Variants in VCP observed in about 807,000 individuals in gnomAD.
VCP encodes the protein valosin containing protein.
Under a neutral mutation model 85.7 loss-of-function variants are expected in VCP, and 6 were observed. That is an observed-to-expected ratio of 0.07 (90% CI 0.04 to 0.14). The LOEUF (loss-of-function observed/expected upper bound fraction) is 0.14. VCP is among the 10% of genes least tolerant of loss of function. VCP has a pLI of 1.00. For missense variants in VCP, 353 were observed against 1,043.4 expected (o/e 0.34, Z 9.12); for synonymous variants, 384 against 367.1 (o/e 1.05, Z -0.53).
rs1368663145 is a variant in VCP, at chr9:35,057,063, C to T, written c.*54G>A. ...CCCTCTCCTGGGCAAGCGCCCCCAC[C>T]CCCAGGGAACAAGGTCCAGGCAGGC... On this transcript the variant is annotated 3_prime_UTR_variant, in exon 17 of 17. Coordinates refer to ENST00000358901, the MANE Select transcript of VCP (RefSeq NM_007126.5). The T allele has an allele frequency of 3.8e-6, 6 of 1,592,748 alleles. No homozygotes were observed. In the South Asian group the frequency reaches 4.4e-5, roughly 12 times the overall value.
chr9:35,057,355 T>G, intron 16 of VCP, 21 bp downstream of exon 16: 1 of 1,614,074 alleles, frequency 6.2e-7, no homozygotes, highest in Non-Finnish European at 8.5e-7. Context: ...AAGCACTGTC[T>G]AATGCTCCCA....
chr9:35,067,788 C>A (rs1446422330), intron 3 of VCP, 103 bp downstream of exon 3: 3 of 1,477,722 alleles, frequency 2.0e-6, no homozygotes, highest in Non-Finnish European at 2.8e-6. Flanking sequence ...CCTGCATCGA[C>A]AGGTGCCAAG....
intron 15 of VCP, among the ~76,000 whole-genome samples, chr9:35,058,559 G>A (rs943639925): frequency 2.6e-5 from 4 of 152,050 alleles, no homozygotes; most frequent in Non-Finnish European, 5.9e-5. Context: ...TCAGGAGATC[G>A]AGACCATCCT....
chr9:35,066,585 A>AG, intron 4 of VCP, 90 bp downstream of exon 4: 2 of 1,503,562 alleles, frequency 1.3e-6, no homozygotes, highest in Non-Finnish European at 1.8e-6. Context: ...AAAGATTTAA[A>AG]AAAAAAAAAA....
chr9:35,066,966 G>C, intron 3 of VCP, 149 bp from the exon 4 acceptor site: 2 of 1,295,742 alleles, frequency 1.5e-6, no homozygotes, highest in South Asian at 2.4e-5. Context: ...GAACAGGGTG[G>C]AAGTGAGGGC....
chr9:35,064,345 G>A (rs1828786306), intron 5 of VCP, 60 bp from the exon 6 acceptor site: 3 of 1,602,952 alleles, frequency 1.9e-6, no homozygotes, highest in Non-Finnish European at 2.6e-6. Context: ...CAAAAGCTGA[G>A]TTTCTCTAAA....
chr9:35,058,784 C>CA (rs1828663129), intron 15 of VCP, among the ~76,000 whole-genome samples: 1 of 145,252 alleles, frequency 6.9e-6, no homozygotes, highest in Admixed American at 6.9e-5. Flanking sequence ...AAACAAAAAA[C>CA]AAAAAACAAA....
At chr9:35,066,610 G>A (rs989169430) in intron 4 of VCP, 65 bp downstream of exon 4, 6 of 1,549,130 alleles carry the variant, frequency 3.9e-6, no homozygotes, top group Admixed American at 1.8e-5. Flanking sequence ...AAGAAAATGA[G>A]ATAAAGATGT....
chr9:35,062,177 G>A, intron 8 of VCP, 39 bp from the exon 9 acceptor site: 1 of 1,614,120 alleles, frequency 6.2e-7, no homozygotes. Flanking sequence ...TGAAGTCAGG[G>A]CCTTTCAACC....
rs535114710 is a variant in VCP, at chr9:35,058,000, G to A, written c.2161-470C>T. On this transcript the variant is annotated intron_variant, in intron 15 of 16. Transcript: ENST00000358901. ...ACATTTGGATTACATCCTACCTAGC[G>A]GTCTCACTTCCAGTGACATATATAC... Among the ~76,000 whole-genome samples, 55 of 152,270 alleles carry A rather than the reference G, an allele frequency of 3.6e-4. 1 individual carries two copies. In the South Asian group the frequency reaches 6.2e-3, roughly 17 times the overall value.
At position 35,058,582 on chromosome 9, in the gene VCP, G is replaced by A. The variant is rs1011846444; in HGVS notation, c.2160+482C>T. ...TCGAGACCATCCTGGCTAACGTGGT[G>A]AAACCACGTTTCTACTAAAAAAAAA... is the stretch of plus-strand genomic sequence containing the variant. On this transcript the variant is annotated intron_variant, in intron 15 of 16. Transcript: ENST00000358901. Among the ~76,000 whole-genome samples, 11 of 152,018 alleles carry A rather than the reference G, an allele frequency of 7.2e-5. 1 individual carries two copies. Among genetic ancestry groups the A allele is most frequent in the Non-Finnish European group, 1.5e-5 (1 of 67,988 alleles).
chr9:35,066,784 T>C lies in VCP; in HGVS notation c.336A>G (p.Lys112=), dbSNP rs763298031. The change falls in exon 4 of 17, where the codon AAA becomes AAG. Residue 112 remains lysine, a synonymous_variant. Transcript: ENST00000358901. Reference sequence around the variant, plus strand: ...CATCAATGGGCAGCACATGGATACGTTTGCCGTACTTCACATCAGGGCATG... The same window carrying C: ...CATCAATGGGCAGCACATGGATACGCTTGCCGTACTTCACATCAGGGCATG... ...IQPCPDVKYG[K]RIHVLPIDDT... 6.2e-7 allele frequency: 1 copy of C among 1,614,112 alleles called. No homozygotes were observed. The highest frequency in any genetic ancestry group is 1.7e-5 in the Admixed American group (1 of 60,010).
In VCP at chr9:35,060,916, A is replaced by G; in HGVS notation, c.1367T>C (p.Leu456Ser). The change falls in exon 12 of 17, where the codon TTG (leucine) becomes TCG (serine). Residue 456 changes from leucine to serine, a missense_variant. Leu to Ser is a moderately radical substitution (Grantham distance 145, BLOSUM62 -2). Around this residue, in one of 8 missense-constraint regions of VCP, gnomAD observed 18 missense variants for 71.2 expected, o/e 0.25. Transcript: ENST00000358901. The stretch of plus-strand genomic sequence containing the variant: ...CAGTGCTGATGGGTTACTCTGGCTC[A>G]AGGCCCACTAGAAAAGGAGGGAAAA... ...AVTMDDFRWALSQSNPSALRE... is the reference protein window; with the variant it reads ...AVTMDDFRWASSQSNPSALRE... The G allele has an allele frequency of 1.2e-6, 2 of 1,614,210 alleles. No individual in the cohort carries two copies.
rs200811029 is a variant in VCP, at chr9:35,059,264, C to T, written c.2005-45G>A. The T allele has an allele frequency of 1.6e-5, 26 of 1,612,212 alleles. No homozygotes were observed. The highest frequency in any genetic ancestry group is 2.1e-5 in the Non-Finnish European group (25 of 1,179,204). ...TACCTTAGCATTTAGCCTCTCCTCT[C>T]GAGATACGCAGATCTTTGGGCTACC... On this transcript the variant is annotated intron_variant, in intron 14 of 16. Transcript: ENST00000358901. This position sits in a 1 kb window ranked among gnomAD's most constrained non-coding sequence, Gnocchi z 4.9.
At chr9:35,062,556 T>G (rs1262415530) in intron 7 of VCP, among the ~76,000 whole-genome samples, 1 of 152,052 alleles carries the variant, frequency 6.6e-6, no homozygotes, top group Non-Finnish European at 1.5e-5. Context: ...CTCACTATAC[T>G]CTTCTCACAG....
chr9:35,065,837 T>G (rs1176310131), intron 4 of VCP, among the ~76,000 whole-genome samples: 1 of 152,184 alleles, frequency 6.6e-6, no homozygotes. Context: ...TATGAATATG[T>G]GTGCAGGGTT....
Position 35,057,040 on chromosome 9 carries a change from C to A in VCP, c.*77G>T, listed in dbSNP as rs1828621798. ...CAGGCTGTGGGCGCACCCCTGGTCC[C>A]TCTCCTGGGCAAGCGCCCCCACCCC... On this transcript the variant is annotated 3_prime_UTR_variant, in exon 17 of 17. Coordinates refer to ENST00000358901, the MANE Select transcript of VCP (RefSeq NM_007126.5). 2.7e-6 allele frequency: 4 copies of A among 1,477,778 alleles called. No homozygotes were observed. Among genetic ancestry groups the A allele is most frequent in the Non-Finnish European group, 3.8e-6 (4 of 1,060,656 alleles). The allele number at this position is 1,477,778 out of a possible 1,614,324, so 91.5% of individuals were successfully genotyped here. A position where few individuals can be genotyped will look rare whatever the true frequency, so the allele number is the denominator to read the frequency against.
chr9:35,071,879 G>A, intron 1 of VCP: 2 of 999,040 alleles, frequency 2.0e-6, no homozygotes, highest in Non-Finnish European at 1.2e-6. Context: ...ATGGCGCAAA[G>A]TCCACGCCCA....
At chr9:35,061,207 T>G in intron 10 of VCP, 28 bp from the exon 11 acceptor site, 5 of 1,612,298 alleles carry the variant, frequency 3.1e-6, no homozygotes, top group Non-Finnish European at 4.2e-6. Context: ...CTTACTATGC[T>G]GCCTCAAAGA....
Sources: gnomAD v4.1 joint callset for allele counts (sites outside exome capture counted in the v4.1 genomes callset) on GRCh38, gnomAD v4.1.1 for gene constraint, gnomAD v4.1.1 regional missense constraint, Gnocchi (gnomAD v3.1) non-coding constraint, MANE v1.5 for transcripts, NCBI Gene and HGNC (gene_info 2026-07-23, HGNC 2026-07-21) for gene names.